The following SAMMSON variants were observed in gnomAD, a reference collection of about 807,000 sequenced individuals.
The protein encoded by SAMMSON is long intergenic non-protein coding RNA 1212.
chr3:70,304,842 C>G (rs528514896), intron 7 of SAMMSON, among the ~76,000 whole-genome samples: 1 of 152,302 alleles, frequency 6.6e-6, no homozygotes, highest in African/African-American at 2.4e-5. Flanking sequence ...AACTGACCAA[C>G]AAGGTTCTGC....
At position 70,267,575 on chromosome 3, in the gene SAMMSON, TGTA is replaced by T. The variant is rs1419781704; in HGVS notation, n.674+17906_674+17908del. On this transcript the variant is annotated intron_variant and non_coding_transcript_variant, in intron 6 of 9. Transcript: ENST00000642114. ...CCGCCACCATGCCCGGCTAATTTTT[TGTA>T]TTTTTTTTTTTTTTTTTTTAGTAAA... Among the ~76,000 whole-genome samples, 8 of 88,684 alleles carry T rather than the reference TGTA, an allele frequency of 9.0e-5. 1 individual carries two copies. The highest frequency in any genetic ancestry group is 5.8e-3 in the Middle Eastern group (1 of 172). The allele number at this position is 88,684 out of a possible 152,430, so 58.2% of individuals were successfully genotyped here.
At chr3:70,302,923 A>T (rs1473607310) in intron 7 of SAMMSON, among the ~76,000 whole-genome samples, 1 of 152,184 alleles carries the variant, frequency 6.6e-6, no homozygotes, top group Non-Finnish European at 1.5e-5. Flanking sequence ...TTTAACCATC[A>T]GCAGTAGGAT....
At chr3:70,405,284 AAAAAT>A (rs1701169372) in intron 2 of SAMMSON, among the ~76,000 whole-genome samples, 1 of 152,206 alleles carries the variant, frequency 6.6e-6, no homozygotes, top group African/African-American at 2.4e-5. Context: ...CTGATGGCCA[AAAAAT>A]AAAATAAAAT....
intron 1 of SAMMSON, among the ~76,000 whole-genome samples, chr3:70,006,172 A>T (rs2066925534): frequency 6.6e-6 from 1 of 152,204 alleles, no homozygotes. Flanking sequence ...GATAAAACAG[A>T]TTAGTGTCAT....
intron 9 of SAMMSON, among the ~76,000 whole-genome samples, chr3:70,359,964 C>T (rs1702859469): frequency 6.6e-6 from 1 of 152,036 alleles, no homozygotes; most frequent in Admixed American, 6.6e-5. Context: ...AAGAGTATCA[C>T]GGTGGAATAT....
intron 3 of SAMMSON, among the ~76,000 whole-genome samples, chr3:70,044,283 C>A (rs1004489953): frequency 1.3e-5 from 2 of 151,982 alleles, no homozygotes; most frequent in African/African-American, 4.8e-5. Context: ...ACTGGAAAAT[C>A]TTCCTAGTAC....
chr3:70,342,364 T>A (rs1452183426), intron 7 of SAMMSON, among the ~76,000 whole-genome samples: 1 of 152,198 alleles, frequency 6.6e-6, no homozygotes, highest in Non-Finnish European at 1.5e-5. Context: ...TGTTAATAAG[T>A]GGAAAATTTT....
intron 8 of SAMMSON, among the ~76,000 whole-genome samples, chr3:70,355,403 A>AT (rs1702822273): frequency 6.6e-6 from 1 of 152,176 alleles, no homozygotes; most frequent in African/African-American, 2.4e-5. Flanking sequence ...GAAAAAAAAA[A>AT]CCAATTAGAA....
intron 4 of SAMMSON, among the ~76,000 whole-genome samples, chr3:70,160,678 C>T (rs1369783764): frequency 6.6e-6 from 1 of 151,926 alleles, no homozygotes; most frequent in Non-Finnish European, 1.5e-5. Context: ...TGGGTCTTTC[C>T]CTTTCCATAT....
intron 6 of SAMMSON, among the ~76,000 whole-genome samples, chr3:70,256,984 C>G (rs76530618): frequency 6.6e-6 from 1 of 151,898 alleles, no homozygotes; most frequent in Non-Finnish European, 1.5e-5. Context: ...ATGGGCTGAG[C>G]GAAGGAGAGG....
At chr3:70,241,200 C>T (rs1701665192) in intron 4 of SAMMSON, among the ~76,000 whole-genome samples, 1 of 152,100 alleles carries the variant, frequency 6.6e-6, no homozygotes, top group South Asian at 2.1e-4. Flanking sequence ...AACGGTTCCT[C>T]ATAAATATTG....
downstream of SAMMSON, chr3:70,389,989 A>C (rs1449446122): frequency 6.6e-6 from 1 of 152,190 alleles, no homozygotes. Flanking sequence ...GAAGGTGCTG[A>C]TAAATCACAA....
At chr3:70,028,414 C>T (rs1216800972) in intron 3 of SAMMSON, among the ~76,000 whole-genome samples, 1 of 152,076 alleles carries the variant, frequency 6.6e-6, no homozygotes, top group Non-Finnish European at 1.5e-5. Context: ...AGACCATTCA[C>T]ACAATTGCAG....
chr3:70,044,851 T>G (rs1006216576), intron 3 of SAMMSON, among the ~76,000 whole-genome samples: 3 of 147,372 alleles, frequency 2.0e-5, no homozygotes, highest in African/African-American at 7.5e-5. Context: ...TTAAATGTTT[T>G]ATATAATTTT....
At chr3:70,252,445 G>A (rs987629104) in intron 6 of SAMMSON, among the ~76,000 whole-genome samples, 3 of 152,162 alleles carry the variant, frequency 2.0e-5, no homozygotes, top group Admixed American at 6.5e-5. Context: ...AATAACTGTC[G>A]ATGGATTATG....
At position 70,279,515 on chromosome 3, in the gene SAMMSON, A is replaced by T. The variant is rs530360514; in HGVS notation, n.675-11664A>T. Among the ~76,000 whole-genome samples the T allele has an allele frequency of 7.2e-5, 11 of 152,090 alleles. No homozygotes were observed. The South Asian group carries it at 2.3e-3, about 32-fold the overall frequency. On this transcript the variant is annotated intron_variant and non_coding_transcript_variant, in intron 6 of 9. Transcript: ENST00000642114. ...TTGTGCACTTTCTCAGTTCTCCTCC[A>T]CTACTTTCTTCTTGCCAAATGTGTC...
intron 2 of SAMMSON, among the ~76,000 whole-genome samples, chr3:70,411,784 T>C (rs1436319328): frequency 1.3e-5 from 2 of 152,222 alleles, no homozygotes; most frequent in East Asian, 1.9e-4. Context: ...TCTGCTATGA[T>C]TGTGAGGTCT....
At chr3:70,337,394 A>G (rs1018537149) in intron 7 of SAMMSON, among the ~76,000 whole-genome samples, 5 of 151,768 alleles carry the variant, frequency 3.3e-5, no homozygotes, top group African/African-American at 1.2e-4. Flanking sequence ...AAGTTGGAAT[A>G]TAGCTACCCT....
chr3:70,267,983 C>T (rs534336114), intron 6 of SAMMSON, among the ~76,000 whole-genome samples: 1 of 151,350 alleles, frequency 6.6e-6, no homozygotes, highest in African/African-American at 2.4e-5. Context: ...CCCCTTTCGC[C>T]TCCCCTTTCA....
Sources: allele counts gnomAD v4.1 joint callset (sites outside exome capture counted in the v4.1 genomes callset), GRCh38; gene constraint gnomAD v4.1.1; transcripts MANE v1.5; gene names NCBI Gene and HGNC (gene_info 2026-07-23, HGNC 2026-07-21).